The following PARD3B variants were observed in gnomAD, a reference collection of about 807,000 sequenced individuals.
The protein encoded by PARD3B is partitioning defective 3 homolog B.
Under a neutral mutation model 130.2 loss-of-function variants are expected in PARD3B, and 103 were observed. That is an observed-to-expected ratio of 0.79 (90% CI 0.67 to 0.93). The LOEUF is 0.93. Ranked by LOEUF, PARD3B falls within the 40% of genes least tolerant of loss-of-function variation. The pLI, the probability that PARD3B is intolerant of heterozygous loss-of-function variation, is 0.00. For missense variants in PARD3B, 1,609 were observed against 1,499.2 expected, an observed-to-expected ratio of 1.07 and a Z score of -1.21; for synonymous variants, 583 against 553.2, an observed-to-expected ratio of 1.05 and a Z score of -0.76.
At chr2:204,620,740 G>A (rs111720473) in intron 1 of PARD3B, among the ~76,000 whole-genome samples, 2,320 of 152,262 alleles carry the variant, frequency 0.015, 58 homozygotes, top group African/African-American at 0.05. Flanking sequence ...TAGGCAAGTT[G>A]GAGCCCAGAA....
intron 1 of PARD3B, among the ~76,000 whole-genome samples, chr2:204,665,858 A>G (rs1167074896): frequency 6.6e-6 from 1 of 152,226 alleles, no homozygotes; most frequent in Admixed American, 6.5e-5. Flanking sequence ...CTTGGGCTGT[A>G]TATGTGATAT....
chr2:204,781,673 G>A (rs1242735386), intron 2 of PARD3B, among the ~76,000 whole-genome samples: 1 of 152,088 alleles, frequency 6.6e-6, no homozygotes, highest in Non-Finnish European at 1.5e-5. Context: ...AATATTAGTA[G>A]CTACAGATAT....
chr2:205,475,208 A>C (rs912027940), intron 20 of PARD3B, among the ~76,000 whole-genome samples: 1 of 152,108 alleles, frequency 6.6e-6, no homozygotes, highest in African/African-American at 2.4e-5. Flanking sequence ...TATTAGAAAA[A>C]TAAGAGCCTC....
At chr2:204,704,667 G>A (rs914008207) in intron 2 of PARD3B, among the ~76,000 whole-genome samples, 19 of 152,068 alleles carry the variant, frequency 1.2e-4, no homozygotes, top group Admixed American at 1.1e-3. Flanking sequence ...GTGGCTTTTA[G>A]TTATCAGAGA....
chr2:204,610,341 G>A lies in PARD3B; in HGVS notation c.120+64222G>A, dbSNP rs1392573631. On this transcript the variant is annotated intron_variant, in intron 1 of 22. Coordinates refer to ENST00000406610, the MANE Select transcript of PARD3B (RefSeq NM_001302769.2). The surrounding 1 kb of genome is among the most constrained non-coding windows in gnomAD (Gnocchi z 4.1). ...ACAATGATTTGTTAAGTAGTCTATC[G>A]GCATTATTCTGACTTATTGTTCCCT... is the stretch of plus-strand genomic sequence containing the variant. 6.6e-5 allele frequency among the ~76,000 whole-genome samples: 10 copies of A among 152,034 alleles called. No homozygotes were observed. Among genetic ancestry groups the A allele is most frequent in the Admixed American group, 4.6e-4 (7 of 15,258 alleles).
chr2:205,015,805 T>A lies in PARD3B; in HGVS notation c.395-31776T>A, dbSNP rs1403561043. On this transcript the variant is annotated intron_variant, in intron 3 of 22. Coordinates refer to ENST00000406610, the MANE Select transcript of PARD3B (RefSeq NM_001302769.2). The surrounding 1 kb of genome is among the most constrained non-coding windows in gnomAD (Gnocchi z 4.5). Reference sequence around the variant, plus strand: ...CTCAGCACCTTGCCTGGCACACAGCTGTTCAATGAGTTATGAGTGAATGAA... The same window carrying A: ...CTCAGCACCTTGCCTGGCACACAGCAGTTCAATGAGTTATGAGTGAATGAA... Among the ~76,000 whole-genome samples the A allele has an allele frequency of 6.6e-6, 1 of 152,200 alleles. No homozygotes were observed. Among genetic ancestry groups the A allele is most frequent in the Non-Finnish European group, 1.5e-5 (1 of 68,024 alleles).
In PARD3B at chr2:205,003,793, G is replaced by A. The variant is rs80105671; in HGVS notation, c.394+38470G>A. Among the ~76,000 whole-genome samples, 476 of 152,292 alleles carry A rather than the reference G, an allele frequency of 3.1e-3. 2 individuals are homozygous for A. The highest frequency in any genetic ancestry group is 0.011 in the African/African-American group (452 of 41,570). On this transcript the variant is annotated intron_variant, in intron 3 of 22. Transcript: ENST00000406610. ...AACAATAAATATTTGTGGAATAATG[G>A]ACAGATTCTTGAGAGAATGGCAAAC...
chr2:204,875,556 A>G (rs548505078), intron 2 of PARD3B, among the ~76,000 whole-genome samples: 1 of 152,294 alleles, frequency 6.6e-6, no homozygotes, highest in African/African-American at 2.4e-5. Flanking sequence ...TCATGCCCAC[A>G]CTGCCAGCCT....
intron 1 of PARD3B, among the ~76,000 whole-genome samples, chr2:204,636,512 A>G (rs1048553277): frequency 2.0e-5 from 3 of 150,590 alleles, no homozygotes; most frequent in African/African-American, 4.9e-5. Flanking sequence ...TTTAAATTCT[A>G]GAAGAACAGG....
intron 5 of PARD3B, among the ~76,000 whole-genome samples, chr2:205,109,306 A>G (rs1003602816): frequency 2.6e-5 from 4 of 152,152 alleles, no homozygotes; most frequent in Admixed American, 6.5e-5. Context: ...CCACAGATCT[A>G]TGAATCCACC....
Position 204,897,367 on chromosome 2 carries a change from A to G in PARD3B, c.223-67785A>G, listed in dbSNP as rs565704360. On this transcript the variant is annotated intron_variant, in intron 2 of 22. Coordinates refer to ENST00000406610, the MANE Select transcript of PARD3B (RefSeq NM_001302769.2). Reference sequence around the variant, plus strand: ...TGTAGGCCGTAATAAATATAGAACTATTAAACCTGTAGGTACTGTTTTTTT... The same window carrying G: ...TGTAGGCCGTAATAAATATAGAACTGTTAAACCTGTAGGTACTGTTTTTTT... Among the ~76,000 whole-genome samples, 7 of 143,206 alleles carry G rather than the reference A, an allele frequency of 4.9e-5. No individual in the cohort carries two copies. The South Asian group carries it at 1.6e-3, about 32-fold the overall frequency. The allele number at this position is 143,206 out of a possible 152,430, so 93.9% of individuals were successfully genotyped here. A position where few individuals can be genotyped will look rare whatever the true frequency, so the allele number is the denominator to read the frequency against.
chr2:205,149,989 C>T (rs1289900264), intron 10 of PARD3B, among the ~76,000 whole-genome samples: 1 of 152,022 alleles, frequency 6.6e-6, no homozygotes, highest in Non-Finnish European at 1.5e-5. Context: ...TCAGTTGTGC[C>T]AAGGTCAAAA....
chr2:204,749,092 CT>C (rs908388067), intron 2 of PARD3B, among the ~76,000 whole-genome samples: 4 of 151,860 alleles, frequency 2.6e-5, no homozygotes, highest in African/African-American at 9.7e-5. Context: ...TTTTGTCCCC[CT>C]AACACCCCCA....
At chr2:204,642,450 G>A (rs1448627193) in intron 1 of PARD3B, among the ~76,000 whole-genome samples, 1 of 152,146 alleles carries the variant, frequency 6.6e-6, no homozygotes, top group African/African-American at 2.4e-5. Context: ...GGACATAATT[G>A]CAGGAAAGGT....
chr2:205,532,695 G>A (rs939307766), intron 21 of PARD3B, among the ~76,000 whole-genome samples: 2 of 152,096 alleles, frequency 1.3e-5, no homozygotes, highest in African/African-American at 4.8e-5. Flanking sequence ...CAAAATCTGA[G>A]GTGCCAACAC....
Position 205,473,555 on chromosome 2 carries a change from AC to A in PARD3B, c.3045-26340del, listed in dbSNP as rs1397382527. On this transcript the variant is annotated intron_variant, in intron 20 of 22. Transcript: ENST00000406610. This position sits in a 1 kb window ranked among gnomAD's most constrained non-coding sequence, Gnocchi z 4.9. Reference sequence around the variant, plus strand: ...CACTCATTAATATGGGTGATATCTTACATTGTTGGAAAGAGCTGAAATAAAA... The same window carrying A: ...CACTCATTAATATGGGTGATATCTTAATTGTTGGAAAGAGCTGAAATAAAA... 1.3e-5 allele frequency among the ~76,000 whole-genome samples: 2 copies of A among 151,552 alleles called. No homozygotes were observed. Among genetic ancestry groups the A allele is most frequent in the African/African-American group, 4.8e-5 (2 of 41,310 alleles).
At chr2:204,832,250 C>CA (rs570368775) in intron 2 of PARD3B, among the ~76,000 whole-genome samples, 28 of 145,764 alleles carry the variant, frequency 1.9e-4, no homozygotes, top group South Asian at 1.1e-3. Context: ...CAAACAAAAA[C>CA]AAAAAAAAAA....
At chr2:204,893,046 G>T (rs2046506942) in intron 2 of PARD3B, among the ~76,000 whole-genome samples, 1 of 152,188 alleles carries the variant, frequency 6.6e-6, no homozygotes, top group South Asian at 2.1e-4. Flanking sequence ...GGGAGTGAAT[G>T]TAGGTCTGTG....
At chr2:204,733,805 C>T (rs987001301) in intron 2 of PARD3B, among the ~76,000 whole-genome samples, 2 of 151,878 alleles carry the variant, frequency 1.3e-5, no homozygotes, top group Non-Finnish European at 2.9e-5. Context: ...GTCTGATCAG[C>T]AAGTGGTATT....
Sources: gnomAD v4.1 joint callset for allele counts (sites outside exome capture counted in the v4.1 genomes callset) on GRCh38, gnomAD v4.1.1 for gene constraint, Gnocchi (gnomAD v3.1) non-coding constraint, MANE v1.5 for transcripts, NCBI Gene and HGNC (gene_info 2026-07-23, HGNC 2026-07-21) for gene names.